MECOM: variants seen among roughly 807,000 people sequenced by gnomAD.
The protein encoded by MECOM is histone-lysine N-methyltransferase MECOM.
Under a neutral mutation model 116.3 loss-of-function variants are expected in MECOM, and 13 were observed. The ratio of observed to expected loss-of-function variants is 0.11; its 90% CI spans 0.07 to 0.18. The LOEUF is 0.18. Ranked by LOEUF, MECOM falls within the 10% of genes least tolerant of loss-of-function variation. MECOM has a pLI of 1.00. For synonymous variants in MECOM, 528 were observed against 535.2 expected (o/e 0.99, Z 0.19); for missense variants, 1,299 against 1,509.0 (o/e 0.86, Z 2.31).
At chr3:169,240,104 T>C (rs2149546601) in intron 2 of MECOM, among the ~76,000 whole-genome samples, 1 of 152,272 alleles carries the variant, frequency 6.6e-6, no homozygotes, top group South Asian at 2.1e-4. Flanking sequence ...TCGACAACTA[T>C]CTAGAAACTG....
chr3:169,637,895 CAT>C, intron 1 of MECOM, among the ~76,000 whole-genome samples: 1 of 152,250 alleles, frequency 6.6e-6, no homozygotes, highest in Non-Finnish European at 1.5e-5. Context: ...TCAAAGGAGA[CAT>C]AACCTTTGAG....
intron 2 of MECOM, among the ~76,000 whole-genome samples, chr3:169,360,406 C>G (rs1333954779): frequency 6.8e-6 from 1 of 146,470 alleles, no homozygotes; most frequent in Non-Finnish European, 1.5e-5. Context: ...AACAGCATAG[C>G]TTTAGATGTG....
At chr3:169,428,104 C>T (rs191469304) in intron 1 of MECOM, among the ~76,000 whole-genome samples, 7 of 152,126 alleles carry the variant, frequency 4.6e-5, no homozygotes, top group East Asian at 3.9e-4. Context: ...CGCTTGAACC[C>T]GAGAGGCAGA....
At chr3:169,264,823 C>T (rs1052738697) in intron 2 of MECOM, among the ~76,000 whole-genome samples, 2 of 152,164 alleles carry the variant, frequency 1.3e-5, no homozygotes, top group African/African-American at 4.8e-5. Context: ...TAGAGACCCA[C>T]CCTCATCCTG....
chr3:169,498,937 G>A lies in MECOM; in HGVS notation c.38-117413C>T, dbSNP rs187425999. Among the ~76,000 whole-genome samples, 39 of 152,050 alleles carry A rather than the reference G, an allele frequency of 2.6e-4. No homozygotes were observed. In the East Asian group the frequency reaches 5.4e-3, roughly 21 times the overall value. On this transcript the variant is annotated intron_variant, in intron 1 of 16. Coordinates refer to ENST00000651503, the MANE Select transcript of MECOM (RefSeq NM_004991.4). ...ATTGGAAATTTTTAGATGGAAAAGC[G>A]TGAAGTAAAAAATTCAACACATGGT...
At chr3:169,646,348 G>C (rs1014196944) in intron 1 of MECOM, among the ~76,000 whole-genome samples, 3 of 151,212 alleles carry the variant, frequency 2.0e-5, no homozygotes, top group African/African-American at 7.3e-5. Context: ...AGCATTAGGA[G>C]ACATACCTAA....
At chr3:169,424,485 A>T (rs992727573) in intron 1 of MECOM, among the ~76,000 whole-genome samples, 2 of 152,084 alleles carry the variant, frequency 1.3e-5, no homozygotes, top group Non-Finnish European at 2.9e-5. Context: ...ACAGCTCATG[A>T]CCTCTATGAT....
chr3:169,360,761 C>A (rs1419644195), intron 2 of MECOM, among the ~76,000 whole-genome samples: 3 of 151,614 alleles, frequency 2.0e-5, no homozygotes, highest in African/African-American at 4.8e-5. Context: ...TGTTAATGGG[C>A]GGAGTATGCC....
rs142017384 is a variant in MECOM, at chr3:169,405,031, C to T, written c.38-23507G>A. ...CCTTGAATGAATTTTTAATAAACAC[C>T]TACAGTTATAGCACAGCGAAATGGC... On this transcript the variant is annotated intron_variant, in intron 1 of 16. Transcript: ENST00000651503. 2.6e-3 allele frequency among the ~76,000 whole-genome samples: 389 copies of T among 152,308 alleles called. 1 individual carries two copies. Among genetic ancestry groups the T allele is most frequent in the African/African-American group, 9.0e-3 (373 of 41,564 alleles).
intron 1 of MECOM, among the ~76,000 whole-genome samples, chr3:169,472,160 C>A (rs536284782): frequency 6.6e-6 from 1 of 151,154 alleles, no homozygotes; most frequent in Admixed American, 6.6e-5. Flanking sequence ...TCTCATATAC[C>A]CAATAAATAT....
intron 2 of MECOM, among the ~76,000 whole-genome samples, chr3:169,193,587 T>A (rs1486237250): frequency 6.6e-6 from 1 of 151,862 alleles, no homozygotes; most frequent in Non-Finnish European, 1.5e-5. Flanking sequence ...ACAAAAAATA[T>A]CTAAAAAGGA....
At chr3:169,579,444 TAGGAAAC>T (rs1180930508) in intron 1 of MECOM, among the ~76,000 whole-genome samples, 7 of 152,148 alleles carry the variant, frequency 4.6e-5, no homozygotes, top group African/African-American at 1.7e-4. Flanking sequence ...TGATTAGAGT[TAGGAAAC>T]AGGGACTGTG....
At chr3:169,545,155 G>T (rs1472662102) in intron 1 of MECOM, among the ~76,000 whole-genome samples, 2 of 152,166 alleles carry the variant, frequency 1.3e-5, no homozygotes, top group African/African-American at 4.8e-5. Flanking sequence ...GCTGCTAAAT[G>T]TTTTTGTTGT....
intron 1 of MECOM, among the ~76,000 whole-genome samples, chr3:169,603,882 T>C (rs1768150023): frequency 6.6e-6 from 1 of 152,170 alleles, no homozygotes; most frequent in Non-Finnish European, 1.5e-5. Flanking sequence ...TGTTTGCTTA[T>C]CTCAAAACTT....
chr3:169,270,399 CTATA>C (rs1758797060), intron 2 of MECOM, among the ~76,000 whole-genome samples: 1 of 151,882 alleles, frequency 6.6e-6, no homozygotes, highest in African/African-American at 2.4e-5. Flanking sequence ...ATCTATCTAT[CTATA>C]TATACTTATA....
intron 1 of MECOM, among the ~76,000 whole-genome samples, chr3:169,576,838 C>CAGAGAG (rs59983835): frequency 0.02 from 2,490 of 124,962 alleles, 47 homozygotes; most frequent in African/African-American, 0.027. Flanking sequence ...CACACACACA[C>CAGAGAG]AGAGAGAGAG....
intron 2 of MECOM, among the ~76,000 whole-genome samples, chr3:169,340,425 C>G (rs1361714757): frequency 6.6e-6 from 1 of 152,090 alleles, no homozygotes; most frequent in African/African-American, 2.4e-5. Flanking sequence ...TTATTTTCTA[C>G]TTATAGCTGC....
intron 4 of MECOM, among the ~76,000 whole-genome samples, chr3:169,129,393 T>A (rs1733948598): frequency 1.0e-5 from 1 of 100,044 alleles, no homozygotes; most frequent in Non-Finnish European, 2.0e-5. Flanking sequence ...CAGGGATATA[T>A]TCAGACTTGG....
At chr3:169,428,967 C>T (rs979065488) in intron 1 of MECOM, among the ~76,000 whole-genome samples, 3 of 151,278 alleles carry the variant, frequency 2.0e-5, no homozygotes, top group African/African-American at 4.8e-5. Flanking sequence ...AGGAGCCAGA[C>T]ACTTGGATAC....
Sources: gnomAD v4.1 joint callset for allele counts (sites outside exome capture counted in the v4.1 genomes callset) on GRCh38, gnomAD v4.1.1 for gene constraint, MANE v1.5 for transcripts, NCBI Gene and HGNC (gene_info 2026-07-23, HGNC 2026-07-21) for gene names.